Variants in IFT140 observed in about 807,000 individuals in gnomAD.
IFT140 encodes intraflagellar transport 140.
In IFT140, 133 loss-of-function variants were observed where a neutral mutation model predicts 164.6. That is an observed-to-expected ratio of 0.81 (90% CI 0.70 to 0.93). The LOEUF is 0.93. Among genes scored for constraint, IFT140 ranks in the 40% least tolerant of loss-of-function variants. The pLI is 0.00. For synonymous variants in IFT140, 860 were observed against 817.3 expected, an observed-to-expected ratio of 1.05 and a Z score of -0.89; for missense variants, 2,045 against 1,972.3, an observed-to-expected ratio of 1.04 and a Z score of -0.70.
Position 1,564,064 on chromosome 16 carries a change from T to C in IFT140, c.2000A>G (p.Gln667Arg). 6 of 1,605,170 alleles carry C rather than the reference T, an allele frequency of 3.7e-6. No homozygotes were observed. Among genetic ancestry groups the C allele is most frequent in the African/African-American group, 1.3e-5 (1 of 74,836 alleles). ...EPRLFVCEAV[Q>R]ETPRSQPQSA... is the part of the protein sequence containing the mutation. The stretch of plus-strand genomic sequence containing the variant: ...CTGAGGCTGGGAGCGCGGCGTCTCC[T>C]GCACGGCTTCGCATACAAACAGCCG... Residue 667 changes from glutamine to arginine, a missense_variant, in exon 17 of 31, where the codon CAG becomes CGG. Physicochemically the swap from Gln to Arg is conservative, Grantham distance 43. Coordinates refer to ENST00000426508, the MANE Select transcript of IFT140 (RefSeq NM_014714.4). This position sits in a 1 kb window ranked among gnomAD's most constrained non-coding sequence, Gnocchi z 5.5.
intron 19 of IFT140, among the ~76,000 whole-genome samples, chr16:1,539,136 C>T (rs562109783): frequency 2.0e-5 from 3 of 150,704 alleles, no homozygotes; most frequent in Non-Finnish European, 4.4e-5. Flanking sequence ...GCCAGACGGC[C>T]CCACGCCTCA....
intron 13 of IFT140, chr16:1,577,079 A>G (rs150664457): frequency 3.2e-4 from 49 of 152,318 alleles, no homozygotes; most frequent in Middle Eastern, 3.4e-3. Context: ...CAATACTGTA[A>G]AAGGTGAATA....
chr16:1,541,926 T>C, intron 19 of IFT140: 1 of 1,600,680 alleles, frequency 6.2e-7, no homozygotes, highest in Non-Finnish European at 8.5e-7. Context: ...CACAGTGCAG[T>C]TCGACATGAT....
chr16:1,555,264 G>C, intron 19 of IFT140: 1 of 530,614 alleles, frequency 1.9e-6, no homozygotes, highest in Non-Finnish European at 3.3e-6. Flanking sequence ...GCGCAACGCG[G>C]CTCCACGACC....
chr16:1,557,377 T>G (rs987092393), intron 19 of IFT140, among the ~76,000 whole-genome samples: 4 of 152,244 alleles, frequency 2.6e-5, no homozygotes, highest in African/African-American at 9.6e-5. Flanking sequence ...GCATTATCAC[T>G]GCACGTTGAG....
At chr16:1,562,305 A>G (rs2033458626) in intron 17 of IFT140, among the ~76,000 whole-genome samples, 189 bp from the exon 18 acceptor site, 1 of 151,736 alleles carries the variant, frequency 6.6e-6, no homozygotes, top group Non-Finnish European at 1.5e-5. Context: ...AAAAACCAAC[A>G]CGCCTACTGG....
chr16:1,553,404 T>C lies in IFT140; in HGVS notation c.2399+4531A>G. On this transcript the variant is annotated intron_variant, in intron 19 of 30. Transcript: ENST00000426508. This position sits in a 1 kb window ranked among gnomAD's most constrained non-coding sequence, Gnocchi z 4.4. Reference sequence around the variant, plus strand: ...GGGCATGATTTGGTTTCCTGGGGAATGCAGGGGAGGCGGTTGGGAGTGGAG... The same window carrying C: ...GGGCATGATTTGGTTTCCTGGGGAACGCAGGGGAGGCGGTTGGGAGTGGAG... 1.0e-6 allele frequency: 1 copy of C among 985,384 alleles called. No homozygotes were observed. The highest frequency in any genetic ancestry group is 1.2e-6 in the Non-Finnish European group (1 of 829,916). The allele number at this position is 985,384 out of a possible 1,614,324, so 61.0% of individuals were successfully genotyped here. A position where few individuals can be genotyped will look rare whatever the true frequency, so the allele number is the denominator to read the frequency against.
chr16:1,513,707 T>A lies in IFT140; in HGVS notation c.4183-2557A>T, dbSNP rs557317046. ...TTTCTTTTTTGAGACGGAGTCTTGCTGTGTCGCCCAGGCTGGAGTGCAGTG... is the reference window on the plus strand; with the variant it reads ...TTTCTTTTTTGAGACGGAGTCTTGCAGTGTCGCCCAGGCTGGAGTGCAGTG... On this transcript the variant is annotated intron_variant, in intron 30 of 30. Coordinates refer to ENST00000426508, the MANE Select transcript of IFT140 (RefSeq NM_014714.4). Among the ~76,000 whole-genome samples, 193 of 150,622 alleles carry A rather than the reference T, an allele frequency of 1.3e-3. 1 individual carries two copies. Among genetic ancestry groups the A allele is most frequent in the African/African-American group, 4.4e-3 (178 of 40,880 alleles).
rs1442341163 is a variant in IFT140 at position 1,607,260 on chromosome 16, G to A, written c.7C>T (p.Leu3Phe). ...GCTTCTATCTGGTGGTCATAATAGAGGGCCATGACGGAACTCAGGCCTCCT... is the reference window on the plus strand; with the variant it reads ...GCTTCTATCTGGTGGTCATAATAGAAGGCCATGACGGAACTCAGGCCTCCT... MA[L>F]YYDHQIEAPD... Residue 3 changes from leucine to phenylalanine, a missense_variant, in exon 3 of 31, where the codon CTC (leucine) becomes TTC (phenylalanine). Coordinates refer to ENST00000426508, the MANE Select transcript of IFT140 (RefSeq NM_014714.4). 1.9e-6 allele frequency: 3 copies of A among 1,613,454 alleles called. No individual in the cohort carries two copies. The highest frequency in any genetic ancestry group is 3.3e-5 in the Admixed American group (2 of 59,866).
At position 1,553,132 on chromosome 16, in the gene IFT140, T is replaced by C; in HGVS notation, c.2399+4803A>G. The C allele has an allele frequency of 2.0e-6, 2 of 985,392 alleles. No individual in the cohort carries two copies. Among genetic ancestry groups the C allele is most frequent in the South Asian group, 9.4e-5 (2 of 21,286 alleles). The allele number at this position is 985,392 out of a possible 1,614,324, so 61.0% of individuals were successfully genotyped here. ...GGGTACAGTGATGATGAAAAGATAA[T>C]GCTTGGGTTTTTAGGAAAAACAAGG... On this transcript the variant is annotated intron_variant, in intron 19 of 30. Transcript: ENST00000426508. This position sits in a 1 kb window ranked among gnomAD's most constrained non-coding sequence, Gnocchi z 4.4.
At chr16:1,569,287 C>A (rs202101676) in intron 14 of IFT140, among the ~76,000 whole-genome samples, 1 of 152,162 alleles carries the variant, frequency 6.6e-6, no homozygotes, top group Non-Finnish European at 1.5e-5. Context: ...GGATTACAGG[C>A]GTGAGCCACC....
At chr16:1,557,494 G>A (rs144690190) in intron 19 of IFT140, 2 of 164,362 alleles carry the variant, frequency 1.2e-5, no homozygotes, top group African/African-American at 4.8e-5. Context: ...ATGCTCTTGT[G>A]AAGATGAAAG....
chr16:1,555,180 G>T, intron 19 of IFT140: 1 of 925,536 alleles, frequency 1.1e-6, no homozygotes, highest in Non-Finnish European at 1.6e-6. Context: ...ACACGTGTGC[G>T]TTTACTGTTA....
intron 19 of IFT140, chr16:1,541,823 T>G: frequency 1.4e-6 from 2 of 1,420,426 alleles, no homozygotes; most frequent in Non-Finnish European, 1.9e-6. Flanking sequence ...CGACCGCCCT[T>G]TCCGAGGCAA....
rs1026592633 is a variant in IFT140 at position 1,510,647 on chromosome 16, C to T, written c.*297G>A. 2.0e-6 allele frequency: 1 copy of T among 493,396 alleles called. No homozygotes were observed. The highest frequency in any genetic ancestry group is 3.8e-5 in the Admixed American group (1 of 26,272). 30.6% of individuals were successfully genotyped at this position (493,396 alleles called of 1,614,324 possible). ...CCTGAGGTTCTAGAAGTTTCTCAGGCTTTACAATGTGTAGTTGGGAGAATA... is the reference window on the plus strand; with the variant it reads ...CCTGAGGTTCTAGAAGTTTCTCAGGTTTTACAATGTGTAGTTGGGAGAATA... On this transcript the variant is annotated 3_prime_UTR_variant, in exon 31 of 31. Transcript: ENST00000426508.
At chr16:1,578,704 AC>A (rs1040285677) in intron 13 of IFT140, among the ~76,000 whole-genome samples, 1 of 152,032 alleles carries the variant, frequency 6.6e-6, no homozygotes, top group African/African-American at 2.4e-5. Flanking sequence ...ATGTGGTGAA[AC>A]CCCGTCTCTA....
intron 19 of IFT140, among the ~76,000 whole-genome samples, chr16:1,528,347 ATG>A (rs2029981245): frequency 7.6e-6 from 1 of 131,252 alleles, no homozygotes; most frequent in South Asian, 2.2e-4. Flanking sequence ...ACACACACGC[ATG>A]CACGCACGTG....
At chr16:1,550,400 A>C (rs2032537425) in intron 19 of IFT140, among the ~76,000 whole-genome samples, 1 of 152,246 alleles carries the variant, frequency 6.6e-6, no homozygotes, top group Admixed American at 6.5e-5. Context: ...ACGCATTTTC[A>C]AAAGCTATGA....
At chr16:1,588,527 A>AAATAATAATAATAATAATAATAAT (rs56785842) in intron 7 of IFT140, among the ~76,000 whole-genome samples, 3,524 of 145,380 alleles carry the variant, frequency 0.024, 46 homozygotes, top group Middle Eastern at 0.032. Context: ...TCCGTCTCAA[A>AAATAATAATAATAATAATAATAAT]AATAATAATA....
Sources: gnomAD v4.1 joint callset for allele counts (sites outside exome capture counted in the v4.1 genomes callset) on GRCh38, gnomAD v4.1.1 for gene constraint, Gnocchi (gnomAD v3.1) non-coding constraint, MANE v1.5 for transcripts, NCBI Gene and HGNC (gene_info 2026-07-23, HGNC 2026-07-21) for gene names.